Variants in FNDC3A observed in about 807,000 individuals in gnomAD.
FNDC3A encodes the protein fibronectin type-III domain-containing protein 3A.
FNDC3A carries 32 observed loss-of-function variants against 148.9 expected under a neutral mutation model. The observed-to-expected ratio is 0.21, with a 90% CI of 0.16 to 0.29. The LOEUF is 0.29. Ranked by LOEUF, FNDC3A falls within the 10% of genes least tolerant of loss-of-function variation. The pLI, the probability that FNDC3A is intolerant of heterozygous loss-of-function variation, is 1.00. For synonymous variants in FNDC3A, 472 were observed against 473.6 expected (o/e 1.00, Z 0.04); for missense variants, 1,191 against 1,452.8 (o/e 0.82, Z 2.93).
chr13:49,001,314 C>T (rs190239970), intron 1 of FNDC3A, among the ~76,000 whole-genome samples: 21 of 152,268 alleles, frequency 1.4e-4, no homozygotes, highest in African/African-American at 4.8e-4. Context: ...ATCCCATCAT[C>T]TTTGTAAGCT....
chr13:49,136,890 T>C (rs1300140638), intron 6 of FNDC3A, among the ~76,000 whole-genome samples: 2 of 152,122 alleles, frequency 1.3e-5, no homozygotes, highest in Non-Finnish European at 2.9e-5. Context: ...ATCAAAACTT[T>C]TTTTTTTTGA....
intron 4 of FNDC3A, among the ~76,000 whole-genome samples, chr13:49,122,474 A>C (rs1246226046): frequency 6.6e-6 from 1 of 152,182 alleles, no homozygotes; most frequent in Admixed American, 6.5e-5. Flanking sequence ...TTCCTACTCA[A>C]CATAGTATTG....
At chr13:49,122,996 A>ACTTTAAATT (rs1273775565) in intron 4 of FNDC3A, among the ~76,000 whole-genome samples, 5 of 152,196 alleles carry the variant, frequency 3.3e-5, no homozygotes, top group Non-Finnish European at 7.3e-5. Flanking sequence ...TAGAAAAACT[A>ACTTTAAATT]CTTTAAATTT....
intron 6 of FNDC3A, among the ~76,000 whole-genome samples, chr13:49,137,171 T>A (rs1882418077): frequency 1.3e-5 from 2 of 152,160 alleles, no homozygotes; most frequent in South Asian, 4.1e-4. Context: ...GAGTAAAACC[T>A]TGATAGCAAA....
At chr13:49,155,435 G>A (rs199741140) in intron 8 of FNDC3A, among the ~76,000 whole-genome samples, 47,593 of 147,462 alleles carry the variant, frequency 0.32, 7,688 homozygotes, top group South Asian at 0.48. Context: ...TCTTGCTAGC[G>A]GTCTATCTAT....
chr13:49,158,667 G>A (rs892033041), intron 8 of FNDC3A, among the ~76,000 whole-genome samples: 12 of 152,106 alleles, frequency 7.9e-5, no homozygotes, highest in Non-Finnish European at 1.5e-4. Flanking sequence ...CATTGCTTTC[G>A]GTGTTTTAGT....
At chr13:49,068,717 G>A (rs571496565) in intron 2 of FNDC3A, among the ~76,000 whole-genome samples, 1 of 152,202 alleles carries the variant, frequency 6.6e-6, no homozygotes, top group Non-Finnish European at 1.5e-5. Context: ...GGAATACTAT[G>A]CAGCCATAAA....
At chr13:49,200,928 A>G (rs1886391062) in intron 23 of FNDC3A, among the ~76,000 whole-genome samples, 1 of 151,886 alleles carries the variant, frequency 6.6e-6, no homozygotes, top group African/African-American at 2.4e-5. Flanking sequence ...TTTTTTAAAC[A>G]GTGGTATTAC....
intron 4 of FNDC3A, among the ~76,000 whole-genome samples, chr13:49,127,603 T>C (rs9535154): frequency 0.31 from 47,844 of 152,104 alleles, 7,627 homozygotes; most frequent in South Asian, 0.48. Context: ...CTATACACTG[T>C]CTTAGTTTTC....
intron 2 of FNDC3A, among the ~76,000 whole-genome samples, chr13:49,051,753 C>T (rs1230112075): frequency 6.6e-6 from 1 of 152,126 alleles, no homozygotes; most frequent in African/African-American, 2.4e-5. Flanking sequence ...CTTGACTATC[C>T]CCTCAAATAC....
intron 17 of FNDC3A, 77 bp downstream of exon 17, chr13:49,188,710 A>G: frequency 1.2e-6 from 1 of 868,530 alleles, no homozygotes; most frequent in Admixed American, 1.9e-5. Context: ...GTGCCACTTC[A>G]AATATTGAAA....
chr13:49,087,425 G>A (rs1373006093), intron 3 of FNDC3A, among the ~76,000 whole-genome samples: 5 of 152,052 alleles, frequency 3.3e-5, no homozygotes, highest in Non-Finnish European at 5.9e-5. Context: ...TTATTACGTA[G>A]GTAGAAATAT....
At chr13:49,115,929 C>T (rs886794700) in intron 4 of FNDC3A, among the ~76,000 whole-genome samples, 1 of 152,222 alleles carries the variant, frequency 6.6e-6, no homozygotes, top group African/African-American at 2.4e-5. Context: ...TCCTTGACAT[C>T]ATGCTGCCCT....
At chr13:49,024,442 A>G (rs1344041700) in intron 2 of FNDC3A, among the ~76,000 whole-genome samples, 7 of 152,130 alleles carry the variant, frequency 4.6e-5, no homozygotes, top group African/African-American at 1.7e-4. Context: ...CTAAAGACCA[A>G]TATCCCTGAT....
At chr13:49,130,107 G>A (rs1477699204) in intron 4 of FNDC3A, among the ~76,000 whole-genome samples, 1 of 152,020 alleles carries the variant, frequency 6.6e-6, no homozygotes, top group South Asian at 2.1e-4. Context: ...TTAAGATAAA[G>A]TCCTTTAATT....
chr13:49,121,636 A>G (rs1881351873), intron 4 of FNDC3A, among the ~76,000 whole-genome samples: 1 of 152,190 alleles, frequency 6.6e-6, no homozygotes, highest in African/African-American at 2.4e-5. Flanking sequence ...GGAGAACCAA[A>G]TAGACACAAT....
At chr13:49,116,735 G>C (rs982857884) in intron 4 of FNDC3A, among the ~76,000 whole-genome samples, 1 of 150,176 alleles carries the variant, frequency 6.7e-6, no homozygotes, top group Non-Finnish European at 1.5e-5. Flanking sequence ...GCAGTGAGCC[G>C]AGATCGCACC....
At chr13:48,984,464 T>C (rs186591415) in intron 1 of FNDC3A, among the ~76,000 whole-genome samples, 295 of 152,250 alleles carry the variant, frequency 1.9e-3, no homozygotes, top group Non-Finnish European at 3.4e-3. Flanking sequence ...GGAGTAGGAA[T>C]AGGCATATTG....
chr13:49,111,626 T>A (rs1880580273), intron 3 of FNDC3A, among the ~76,000 whole-genome samples: 1 of 150,732 alleles, frequency 6.6e-6, no homozygotes, highest in Admixed American at 6.7e-5. Flanking sequence ...CTCGGGAGGC[T>A]GAAGCAGAAG....
Sources: allele counts gnomAD v4.1 joint callset (sites outside exome capture counted in the v4.1 genomes callset), GRCh38; gene constraint gnomAD v4.1.1; transcripts MANE v1.5; gene names NCBI Gene and HGNC (gene_info 2026-07-23, HGNC 2026-07-21).